The following SIRPD variants were observed in gnomAD, a reference collection of about 807,000 sequenced individuals.
SIRPD encodes the protein signal-regulatory protein delta.
A neutral mutation model predicts 18.0 loss-of-function variants in SIRPD; 21 were observed. That is an observed-to-expected ratio of 1.17 (90% CI 0.83 to 1.68). The LOEUF is 1.68. Ranked by LOEUF, SIRPD falls within the 40% of genes most tolerant of loss-of-function variation. The pLI is 0.00. For missense variants in SIRPD, 295 were observed against 238.4 expected (o/e 1.24, Z -1.56); for synonymous variants, 106 against 92.9 (o/e 1.14, Z -0.81).
At chr20:1,537,092 G>A (rs866324914) in intron 3 of SIRPD, 63 bp downstream of exon 3, 1 of 1,569,478 alleles carries the variant, frequency 6.4e-7, no homozygotes. Context: ...TGGCGAAATG[G>A]TACCGCCGCC....
chr20:1,546,638 T>G (rs1194598297), intron 2 of SIRPD, among the ~76,000 whole-genome samples: 2 of 152,238 alleles, frequency 1.3e-5, no homozygotes, highest in Non-Finnish European at 2.9e-5. Context: ...TAGTAACTTA[T>G]GTTTGACTGT....
At position 1,557,520 on chromosome 20, in the gene SIRPD, G is replaced by C. The variant is rs899255251; in HGVS notation, c.73+61C>G. Reference sequence around the variant, plus strand: ...AAATTCTATGGGAACAGGTGAGGGAGAGTTCACTAAACAGGCAGAGGGGAG... The same window carrying C: ...AAATTCTATGGGAACAGGTGAGGGACAGTTCACTAAACAGGCAGAGGGGAG... On this transcript the variant is annotated intron_variant, in intron 1 of 3. Transcript: ENST00000381623. 5 of 1,361,112 alleles carry C rather than the reference G, an allele frequency of 3.7e-6. No homozygotes were observed. The African/African-American group carries it at 6.0e-5, about 16-fold the overall frequency. The allele number at this position is 1,361,112 out of a possible 1,614,324, so 84.3% of individuals were successfully genotyped here. A position where few individuals can be genotyped will look rare whatever the true frequency, so the allele number is the denominator to read the frequency against.
chr20:1,540,976 T>C (rs1281733195), intron 2 of SIRPD, among the ~76,000 whole-genome samples: 1 of 152,240 alleles, frequency 6.6e-6, no homozygotes, highest in African/African-American at 2.4e-5. Context: ...ACTCATTCTT[T>C]TTTATGGCTG....
intron 3 of SIRPD, among the ~76,000 whole-genome samples, chr20:1,535,825 C>T (rs1415329385): frequency 1.3e-5 from 2 of 152,074 alleles, no homozygotes; most frequent in Non-Finnish European, 2.9e-5. Context: ...GAAAGTAAAA[C>T]TTCCTCTTGC....
At chr20:1,555,718 T>G (rs1164219010) in intron 1 of SIRPD, among the ~76,000 whole-genome samples, 1 of 152,266 alleles carries the variant, frequency 6.6e-6, no homozygotes, top group Non-Finnish European at 1.5e-5. Context: ...TTGAATGGTT[T>G]TGCCATCTTA....
chr20:1,551,777 G>A lies in SIRPD; in HGVS notation c.335C>T (p.Ala112Val), dbSNP rs2091020123. 6.2e-7 allele frequency: 1 copy of A among 1,614,084 alleles called. No individual in the cohort carries two copies. The highest frequency in any genetic ancestry group is 1.1e-5 in the South Asian group (1 of 91,084). ...TRIREISLAD[A>V]GTYYCVKFIK... ...GAACTTCACGCAGTAATAGGTGCCA[G>A]CATCAGCAAGAGAGATTTCACGGAT... The change falls in exon 2 of 4, where the codon GCT (alanine) becomes GTT (valine). Residue 112 changes from alanine to valine, a missense_variant. Transcript: ENST00000381623.
chr20:1,535,770 C>T (rs917963682), intron 3 of SIRPD, among the ~76,000 whole-genome samples: 5 of 152,270 alleles, frequency 3.3e-5, no homozygotes, highest in Admixed American at 2.6e-4. Flanking sequence ...CGAAAATAAC[C>T]TCCCTGAGGC....
At chr20:1,538,437 T>C (rs536146591) in intron 2 of SIRPD, among the ~76,000 whole-genome samples, 1 of 152,274 alleles carries the variant, frequency 6.6e-6, no homozygotes, top group African/African-American at 2.4e-5. Context: ...GATGACAGAT[T>C]CTATTTTCTA....
At chr20:1,555,039 C>T (rs1037178527) in intron 1 of SIRPD, among the ~76,000 whole-genome samples, 1 of 152,064 alleles carries the variant, frequency 6.6e-6, no homozygotes, top group African/African-American at 2.4e-5. Flanking sequence ...CAGTTATTCA[C>T]AATAGCCAAA....
At chr20:1,546,348 A>G (rs1267241577) in intron 2 of SIRPD, among the ~76,000 whole-genome samples, 1 of 152,110 alleles carries the variant, frequency 6.6e-6, no homozygotes, top group African/African-American at 2.4e-5. Flanking sequence ...AGAATAAGTG[A>G]CCTTTTGTGA....
Position 1,546,235 on chromosome 20 carries a change from C to T in SIRPD, c.421+5456G>A, listed in dbSNP as rs147397603. Among the ~76,000 whole-genome samples, 241 of 152,338 alleles carry T rather than the reference C, an allele frequency of 1.6e-3. 3 individuals carry two copies. The highest frequency in any genetic ancestry group is 3.3e-3 in the East Asian group (17 of 5,184). On this transcript the variant is annotated intron_variant, in intron 2 of 3. Transcript: ENST00000381623. ...TGTGCCCACAGCTGCCCCTTCCCCCCGGTGCTCTGTCCCAGGGAGATGGGA... is the reference window on the plus strand; with the variant it reads ...TGTGCCCACAGCTGCCCCTTCCCCCTGGTGCTCTGTCCCAGGGAGATGGGA...
chr20:1,540,420 T>G (rs1044569855), intron 2 of SIRPD: 3 of 427,180 alleles, frequency 7.0e-6, no homozygotes, highest in Non-Finnish European at 9.3e-6. Flanking sequence ...ATTCAATATT[T>G]GCAGATATTT....
rs137916202 is a variant in SIRPD, at chr20:1,555,732, G to A, written c.73+1849C>T. ...TTTGAATGGTTTTGCCATCTTACTC[G>A]GTATATTCCTTTTCTATCGCTGAAT... is the stretch of plus-strand genomic sequence containing the variant. On this transcript the variant is annotated intron_variant, in intron 1 of 3. Coordinates refer to ENST00000381623, the MANE Select transcript of SIRPD (RefSeq NM_178460.3). 2.1e-4 allele frequency among the ~76,000 whole-genome samples: 32 copies of A among 152,256 alleles called. No homozygotes were observed. In the East Asian group the frequency reaches 3.7e-3, roughly 17 times the overall value.
intron 1 of SIRPD, among the ~76,000 whole-genome samples, chr20:1,553,141 T>C (rs146156203): frequency 6.6e-6 from 1 of 152,162 alleles, no homozygotes; most frequent in Non-Finnish European, 1.5e-5. Context: ...TCAACCCCTA[T>C]GGGAAGGCTT....
chr20:1,547,761 T>A (rs1436278489), intron 2 of SIRPD, among the ~76,000 whole-genome samples: 1 of 152,248 alleles, frequency 6.6e-6, no homozygotes, highest in East Asian at 1.9e-4. Context: ...GAATGTTAAA[T>A]CTTCTGGTCC....
chr20:1,554,536 T>C (rs180758067), intron 1 of SIRPD, among the ~76,000 whole-genome samples: 2 of 152,276 alleles, frequency 1.3e-5, no homozygotes, highest in East Asian at 1.9e-4. Context: ...GCCTGCAATA[T>C]ATTAGGCACT....
intron 2 of SIRPD, among the ~76,000 whole-genome samples, chr20:1,545,703 T>C (rs2090990568): frequency 6.6e-6 from 1 of 152,172 alleles, no homozygotes; most frequent in East Asian, 1.9e-4. Flanking sequence ...GACATTCTGG[T>C]TTTTGGAGTT....
intron 2 of SIRPD, among the ~76,000 whole-genome samples, chr20:1,548,006 A>G (rs913574523): frequency 6.6e-6 from 1 of 152,214 alleles, no homozygotes; most frequent in Non-Finnish European, 1.5e-5. Flanking sequence ...TTTTCTATGT[A>G]CAAGAACATG....
intron 1 of SIRPD, chr20:1,553,810 G>A (rs1157455150): frequency 6.6e-6 from 1 of 152,378 alleles, no homozygotes; most frequent in Non-Finnish European, 1.5e-5. Context: ...GCTATTAGAA[G>A]AAACCTAGTC....
Sources: gnomAD v4.1 joint callset for allele counts (sites outside exome capture counted in the v4.1 genomes callset) on GRCh38, gnomAD v4.1.1 for gene constraint, MANE v1.5 for transcripts, NCBI Gene and HGNC (gene_info 2026-07-23, HGNC 2026-07-21) for gene names.